GSK3B: variants seen among roughly 807,000 people sequenced by gnomAD.
The protein encoded by GSK3B is glycogen synthase kinase 3 beta, also known as glycogen synthase kinase-3 beta.
GSK3B carries 15 observed loss-of-function variants against 56.4 expected under a neutral mutation model. The ratio of observed to expected loss-of-function variants is 0.27; its 90% CI spans 0.18 to 0.41. The LOEUF is 0.41. Ranked by LOEUF, GSK3B falls within the 10% of genes least tolerant of loss-of-function variation. GSK3B has a pLI of 1.00. For synonymous variants in GSK3B, 181 were observed against 188.9 expected (o/e 0.96, Z 0.34); for missense variants, 300 against 513.4 (o/e 0.58, Z 4.02).
In GSK3B at chr3:119,822,735, G is replaced by A. The variant is rs1240422304; in HGVS notation, c.*4053C>T. The stretch of plus-strand genomic sequence containing the variant: ...AGCATACCTACTTTTCCACACAGGG[G>A]AGAAAAGTGTTTGGCTCTGTGATTA... On this transcript the variant is annotated 3_prime_UTR_variant, in exon 11 of 11. Coordinates refer to ENST00000264235, the MANE Select transcript of GSK3B (RefSeq NM_001146156.2). 2 of 228,436 alleles carry A rather than the reference G, an allele frequency of 8.8e-6. No individual in the cohort carries two copies. Among genetic ancestry groups the A allele is most frequent in the East Asian group, 1.3e-4 (2 of 15,924 alleles). The allele number at this position is 228,436 out of a possible 1,614,324, so 14.2% of individuals were successfully genotyped here.
intron 1 of GSK3B, among the ~76,000 whole-genome samples, chr3:120,086,978 C>A (rs2058468520): frequency 6.6e-6 from 1 of 152,166 alleles, no homozygotes; most frequent in South Asian, 2.1e-4. Flanking sequence ...ATCCATTCCC[C>A]TGATCTGTGA....
At chr3:120,000,092 A>G (rs2057661347) in intron 2 of GSK3B, among the ~76,000 whole-genome samples, 1 of 152,228 alleles carries the variant, frequency 6.6e-6, no homozygotes. Flanking sequence ...TGACTAGAAT[A>G]GTAGTGAAGA....
At chr3:119,945,736 G>A (rs1259749206) in intron 3 of GSK3B, among the ~76,000 whole-genome samples, 1 of 152,164 alleles carries the variant, frequency 6.6e-6, no homozygotes, top group Non-Finnish European at 1.5e-5. Context: ...ATTAAAGTAA[G>A]TAATCAAAGA....
intron 9 of GSK3B, among the ~76,000 whole-genome samples, chr3:119,855,723 G>T (rs185932122): frequency 2.6e-5 from 4 of 151,880 alleles, no homozygotes; most frequent in Admixed American, 2.6e-4. Flanking sequence ...GCAAACTATC[G>T]CAAGGACAGA....
chr3:119,853,341 C>T (rs9844770), intron 9 of GSK3B, among the ~76,000 whole-genome samples: 5,042 of 151,076 alleles, frequency 0.033, 297 homozygotes, highest in African/African-American at 0.12. Flanking sequence ...TAGTATAGTT[C>T]GAAGTCAAGT....
chr3:120,059,788 G>T lies in GSK3B; in HGVS notation c.88+33559C>A, dbSNP rs529470038. Among the ~76,000 whole-genome samples the T allele has an allele frequency of 2.6e-5, 4 of 152,300 alleles. No homozygotes were observed. The East Asian group carries it at 5.8e-4, about 22-fold the overall frequency. ...CACCTACCATGTATCAGGGAACAAA[G>T]TTCTGAAATTCCAACCTGCCTATAA... On this transcript the variant is annotated intron_variant, in intron 1 of 10. Coordinates refer to ENST00000264235, the MANE Select transcript of GSK3B (RefSeq NM_001146156.2).
chr3:119,919,244 AC>A (rs2056811925), intron 4 of GSK3B, among the ~76,000 whole-genome samples: 1 of 152,208 alleles, frequency 6.6e-6, no homozygotes, highest in African/African-American at 2.4e-5. Context: ...CATTCTGGTA[AC>A]ATGTATGCCA....
chr3:119,930,249 C>T (rs2056932775), intron 3 of GSK3B, among the ~76,000 whole-genome samples: 1 of 152,076 alleles, frequency 6.6e-6, no homozygotes, highest in South Asian at 2.1e-4. Flanking sequence ...TCCCTTGTCT[C>T]AATATTTTTA....
At chr3:120,090,082 G>T (rs2058498103) in intron 1 of GSK3B, among the ~76,000 whole-genome samples, 1 of 151,972 alleles carries the variant, frequency 6.6e-6, no homozygotes, top group South Asian at 2.1e-4. Flanking sequence ...TAAAAAACAA[G>T]TTTTAAGCAT....
At chr3:120,082,414 T>TTTTC (rs2058428246) in intron 1 of GSK3B, among the ~76,000 whole-genome samples, 1 of 134,284 alleles carries the variant, frequency 7.4e-6, no homozygotes, top group Non-Finnish European at 1.6e-5. Flanking sequence ...TTTTTTTTTT[T>TTTTC]GAGAAAGAGT....
intron 3 of GSK3B, among the ~76,000 whole-genome samples, chr3:119,931,154 A>G (rs2056941552): frequency 6.6e-6 from 1 of 152,240 alleles, no homozygotes; most frequent in Non-Finnish European, 1.5e-5. Flanking sequence ...CTTCTTGCAC[A>G]ACATAATTAA....
chr3:119,950,311 C>T (rs886872274), intron 2 of GSK3B, among the ~76,000 whole-genome samples: 7 of 151,942 alleles, frequency 4.6e-5, no homozygotes, highest in South Asian at 2.1e-4. Context: ...ATAAGGAAGC[C>T]GGAGAAAACC....
intron 2 of GSK3B, among the ~76,000 whole-genome samples, chr3:119,952,464 G>A (rs2057166923): frequency 6.7e-6 from 1 of 148,696 alleles, no homozygotes; most frequent in Non-Finnish European, 1.5e-5. Context: ...CTCCAGCCTG[G>A]CTGACAGAGA....
At chr3:119,903,887 A>G (rs1047241250) in intron 7 of GSK3B, among the ~76,000 whole-genome samples, 1 of 152,162 alleles carries the variant, frequency 6.6e-6, no homozygotes, top group Admixed American at 6.5e-5. Context: ...GGACAGGAGA[A>G]ATGCTGAATG....
chr3:119,860,482 T>C (rs2056087737), intron 9 of GSK3B, among the ~76,000 whole-genome samples: 1 of 152,208 alleles, frequency 6.6e-6, no homozygotes, highest in Non-Finnish European at 1.5e-5. Flanking sequence ...CTTAAAGTTG[T>C]CCATCTCATA....
At chr3:119,906,225 T>C (rs2056681092) in intron 6 of GSK3B, among the ~76,000 whole-genome samples, 1 of 152,086 alleles carries the variant, frequency 6.6e-6, no homozygotes. Context: ...TAGTAGGTAC[T>C]TACAGAGGAG....
chr3:119,952,481 C>CT (rs2057167307), intron 2 of GSK3B, among the ~76,000 whole-genome samples: 1 of 116,770 alleles, frequency 8.6e-6, no homozygotes, highest in Non-Finnish European at 1.6e-5. Context: ...GAGAGAGACT[C>CT]TGTCTCAAAA....
chr3:120,020,563 G>T (rs1576276297), intron 1 of GSK3B, among the ~76,000 whole-genome samples: 1 of 152,090 alleles, frequency 6.6e-6, no homozygotes, highest in Admixed American at 6.6e-5. Context: ...GATTAATATT[G>T]TGTATGCCCT....
At position 119,843,246 on chromosome 3, in the gene GSK3B, C is replaced by T. The variant is rs753666824; in HGVS notation, c.1195+9G>A. 2.1e-5 allele frequency: 33 copies of T among 1,568,236 alleles called. No individual in the cohort carries two copies. In the East Asian group the frequency reaches 6.1e-4, roughly 29 times the overall value. Reference sequence around the variant, plus strand: ...ATGTTTTTATAGAAGAGACTTAGAACGTTCTTACCTGACGCTGCTGTGGCA... The same window carrying T: ...ATGTTTTTATAGAAGAGACTTAGAATGTTCTTACCTGACGCTGCTGTGGCA... On this transcript the variant is annotated intron_variant, in intron 10 of 10. Coordinates refer to ENST00000264235, the MANE Select transcript of GSK3B (RefSeq NM_001146156.2).
Sources: gnomAD v4.1 joint callset for allele counts (sites outside exome capture counted in the v4.1 genomes callset) on GRCh38, gnomAD v4.1.1 for gene constraint, MANE v1.5 for transcripts, NCBI Gene and HGNC (gene_info 2026-07-23, HGNC 2026-07-21) for gene names.